The following DENND1A variants were observed in gnomAD, a reference collection of about 807,000 sequenced individuals.
DENND1A encodes the protein DENN domain containing 1A.
DENND1A carries 51 observed loss-of-function variants against 113.7 expected under a neutral mutation model. That is an observed-to-expected ratio of 0.45 (90% confidence interval 0.36 to 0.57). The LOEUF is 0.57. Ranked by LOEUF, DENND1A falls within the 20% of genes least tolerant of loss-of-function variation. The pLI is 0.00. For missense variants in DENND1A, 1,258 were observed against 1,395.9 expected (o/e 0.90, Z 1.57); for synonymous variants, 565 against 570.8 (o/e 0.99, Z 0.14).
intron 13 of DENND1A, among the ~76,000 whole-genome samples, chr9:123,476,326 G>C (rs1459228725): frequency 1.3e-5 from 2 of 152,202 alleles, no homozygotes; most frequent in Non-Finnish European, 2.9e-5. Context: ...ACCCAGATTT[G>C]GTTTAAGGCC....
rs572425472 is a variant in DENND1A, at chr9:123,423,910, A to T, written c.1489-12081T>A. Among the ~76,000 whole-genome samples the T allele has an allele frequency of 2.3e-4, 35 of 152,302 alleles. No individual in the cohort carries two copies. In the South Asian group the frequency reaches 6.8e-3, roughly 30 times the overall value. ...GTACAGGCCTGCATTTTAAGGGGCT[A>T]CCCGTAAAGTTGGTTTAGCATAATA... On this transcript the variant is annotated intron_variant, in intron 19 of 23. Coordinates refer to ENST00000394215, the MANE Select transcript of DENND1A (RefSeq NM_001352964.2).
intron 2 of DENND1A, among the ~76,000 whole-genome samples, chr9:123,842,791 T>C (rs1842016160): frequency 6.6e-6 from 1 of 152,178 alleles, no homozygotes; most frequent in South Asian, 2.1e-4. Flanking sequence ...ATTATGCTGA[T>C]ACCAAAAGCA....
chr9:123,571,692 C>T (rs536473780), intron 12 of DENND1A, among the ~76,000 whole-genome samples: 1 of 152,294 alleles, frequency 6.6e-6, no homozygotes, highest in African/African-American at 2.4e-5. Context: ...GTTTATTTAT[C>T]CATCTACCAT....
At chr9:123,386,447 T>G (rs1327366096) in intron 22 of DENND1A, among the ~76,000 whole-genome samples, 1 of 149,948 alleles carries the variant, frequency 6.7e-6, no homozygotes, top group Non-Finnish European at 1.5e-5. Flanking sequence ...AGCAGTGTGA[T>G]CTCGGCTCAC....
At chr9:123,525,758 CT>C (rs34055700) in intron 13 of DENND1A, among the ~76,000 whole-genome samples, 8,314 of 129,680 alleles carry the variant, frequency 0.064, 265 homozygotes, top group East Asian at 0.086. Flanking sequence ...TGCAGTCTAC[CT>C]TTTTTTTTTT....
At chr9:123,883,281 G>A (rs929703546) in intron 1 of DENND1A, among the ~76,000 whole-genome samples, 1 of 152,206 alleles carries the variant, frequency 6.6e-6, no homozygotes. Context: ...ATCATGTCAA[G>A]GAGTGTTTCC....
chr9:123,414,169 C>T lies in DENND1A; in HGVS notation c.1489-2340G>A, dbSNP rs554509832. ...ATTTACTCCCTGGGTTACTCCAGGC[C>T]CACGATTTGACCATTCCAAGCCTTA... On this transcript the variant is annotated intron_variant, in intron 19 of 23. Coordinates refer to ENST00000394215, the MANE Select transcript of DENND1A (RefSeq NM_001352964.2). 10 of 1,011,958 alleles carry T rather than the reference C, an allele frequency of 9.9e-6. 1 individual carries two copies. In the South Asian group the frequency reaches 4.0e-4, roughly 41 times the overall value. The allele number at this position is 1,011,958 out of a possible 1,614,324, so 62.7% of individuals were successfully genotyped here. A position where few individuals can be genotyped will look rare whatever the true frequency, so the allele number is the denominator to read the frequency against.
At chr9:123,592,888 A>T (rs2059523601) in intron 11 of DENND1A, among the ~76,000 whole-genome samples, 1 of 152,206 alleles carries the variant, frequency 6.6e-6, no homozygotes, top group Non-Finnish European at 1.5e-5. Flanking sequence ...TACGGACTTC[A>T]CCAGGTTATT....
chr9:123,437,192 G>T (rs1313847751), intron 19 of DENND1A, among the ~76,000 whole-genome samples: 4 of 152,206 alleles, frequency 2.6e-5, no homozygotes, highest in Non-Finnish European at 5.9e-5. Flanking sequence ...TAGGGACTGA[G>T]AACTTATTTA....
chr9:123,726,255 C>A (rs112390000), intron 5 of DENND1A, among the ~76,000 whole-genome samples: 2 of 152,124 alleles, frequency 1.3e-5, no homozygotes, highest in African/African-American at 4.8e-5. Context: ...GTCATTTTTA[C>A]GAAGAAAAGC....
intron 19 of DENND1A, among the ~76,000 whole-genome samples, chr9:123,421,916 C>T (rs1410912708): frequency 6.6e-6 from 1 of 152,182 alleles, no homozygotes; most frequent in African/African-American, 2.4e-5. Context: ...GAAGCCCCTT[C>T]TTTCCAGCCA....
At chr9:123,517,866 G>A (rs2054070807) in intron 13 of DENND1A, among the ~76,000 whole-genome samples, 1 of 152,174 alleles carries the variant, frequency 6.6e-6, no homozygotes, top group Admixed American at 6.5e-5. Flanking sequence ...GTAAAGAGAA[G>A]TAGCAAAATT....
intron 3 of DENND1A, among the ~76,000 whole-genome samples, chr9:123,791,101 G>C (rs1375549203): frequency 1.3e-5 from 2 of 152,116 alleles, no homozygotes; most frequent in Non-Finnish European, 2.9e-5. Flanking sequence ...AATAGACCCA[G>C]ATGGTAACTA....
chr9:123,830,404 A>C (rs947494681), intron 2 of DENND1A, among the ~76,000 whole-genome samples: 3 of 151,762 alleles, frequency 2.0e-5, no homozygotes, highest in African/African-American at 4.8e-5. Context: ...ATCTTGACTG[A>C]GGTGTTAATT....
chr9:123,661,840 TAGAG>T (rs2063252703), intron 8 of DENND1A, among the ~76,000 whole-genome samples: 1 of 150,944 alleles, frequency 6.6e-6, no homozygotes, highest in African/African-American at 2.4e-5. Context: ...CTGAAGAAAG[TAGAG>T]AGAAAACGAA....
intron 2 of DENND1A, among the ~76,000 whole-genome samples, chr9:123,795,923 C>T (rs569776847): frequency 6.6e-6 from 1 of 152,270 alleles, no homozygotes; most frequent in South Asian, 2.1e-4. Flanking sequence ...CAAGCTTTTA[C>T]CCAAGAATTG....
chr9:123,882,162 T>A (rs1345544987), intron 1 of DENND1A, among the ~76,000 whole-genome samples: 1 of 152,018 alleles, frequency 6.6e-6, no homozygotes, highest in African/African-American at 2.4e-5. Flanking sequence ...CCTGACTACT[T>A]CTTCCCTGAC....
At chr9:123,929,405 G>C (rs1161883347) in intron 1 of DENND1A, among the ~76,000 whole-genome samples, 1 of 152,204 alleles carries the variant, frequency 6.6e-6, no homozygotes, top group East Asian at 1.9e-4. Context: ...CCACACCTTA[G>C]GTGGCCACAC....
intron 4 of DENND1A, chr9:123,759,127 G>A (rs1409489159): frequency 6.6e-6 from 1 of 152,174 alleles, no homozygotes; most frequent in African/African-American, 2.4e-5. Flanking sequence ...GTTGTAAAAT[G>A]TCTAAAAATC....
Sources: allele counts gnomAD v4.1 joint callset (sites outside exome capture counted in the v4.1 genomes callset), GRCh38; gene constraint gnomAD v4.1.1; transcripts MANE v1.5; gene names NCBI Gene and HGNC (gene_info 2026-07-23, HGNC 2026-07-21).